The following MGA variants were observed in gnomAD, a reference collection of about 807,000 sequenced individuals.
MGA encodes MAX dimerization protein MGA.
Under a neutral mutation model 261.1 loss-of-function variants are expected in MGA, and 40 were observed. The ratio of observed to expected loss-of-function variants is 0.15; its 90% CI spans 0.12 to 0.20. The LOEUF is 0.20. Among genes scored for constraint, MGA ranks in the 10% least tolerant of loss-of-function variants. The pLI is 1.00. For missense variants in MGA, 3,397 were observed against 3,630.5 expected, an observed-to-expected ratio of 0.94 and a Z score of 1.65; for synonymous variants, 1,302 against 1,290.6, an observed-to-expected ratio of 1.01 and a Z score of -0.19.
Position 41,766,737 on chromosome 15 carries a change from A to G in MGA, c.8655A>G (p.Lys2885=), listed in dbSNP as rs370497949. The G allele has an allele frequency of 6.2e-7, 1 of 1,613,862 alleles. No homozygotes were observed. The highest frequency in any genetic ancestry group is 8.5e-7 in the Non-Finnish European group (1 of 1,179,886). The change falls in exon 24 of 24, where the codon AAA becomes AAG. Residue 2885 remains lysine, a synonymous_variant. Coordinates refer to ENST00000219905, the MANE Select transcript of MGA (RefSeq NM_001164273.2). ...TTGAGCACTTGGGAACTGGTTTGAA[A>G]GAGTTGCCTGATGTTCAAGGGGAGA... is the stretch of plus-strand genomic sequence containing the variant.
In MGA at chr15:41,750,463, G is replaced by C. The variant is rs768787099; in HGVS notation, c.6856G>C (p.Glu2286Gln). The change falls in exon 17 of 24, where the codon GAG becomes CAG. Residue 2286 changes from glutamate to glutamine, a missense_variant. Glu to Gln is a conservative substitution (Grantham distance 29). Coordinates refer to ENST00000219905, the MANE Select transcript of MGA (RefSeq NM_001164273.2). The stretch of plus-strand genomic sequence containing the variant: ...TGGAGAACAGATACAACCAAAGCAA[G>C]AGAAGAAGGGTGGGAGAAGCAGTGC... 1 of 1,614,002 alleles carries C rather than the reference G, an allele frequency of 6.2e-7. No homozygotes were observed. Among genetic ancestry groups the C allele is most frequent in the South Asian group, 1.1e-5 (1 of 91,076 alleles).
Position 41,744,864 on chromosome 15 carries a change from A to ATG in MGA, c.5212+1702_5212+1703dup, listed in dbSNP as rs769190673. Among the ~76,000 whole-genome samples the ATG allele has an allele frequency of 2.6e-5, 4 of 151,954 alleles. No individual in the cohort carries two copies. In the East Asian group the frequency reaches 5.8e-4, roughly 22 times the overall value. ...TAATCAACTGCTTTTTTATATGTAA[A>ATG]TGTGTGTGTGTTTGTTTATTTATTT... On this transcript the variant is annotated intron_variant, in intron 15 of 23. Coordinates refer to ENST00000219905, the MANE Select transcript of MGA (RefSeq NM_001164273.2).
intron 15 of MGA, among the ~76,000 whole-genome samples, chr15:41,746,377 C>G (rs2062469281): frequency 6.6e-6 from 1 of 151,800 alleles, no homozygotes. Context: ...CCTGTCTCTA[C>G]TAAAAATACA....
chr15:41,701,974 T>C (rs948118964), intron 5 of MGA, among the ~76,000 whole-genome samples: 4 of 152,220 alleles, frequency 2.6e-5, no homozygotes, highest in South Asian at 2.1e-4. Flanking sequence ...GGGTTTTTTT[T>C]CCTCTATTTT....
In MGA at chr15:41,661,595, CT is replaced by C. The variant is rs1005682973; in HGVS notation, c.-68+1074del. ...CCAACACGAGAAACCAAAGTGCACT[CT>C]TTTATTGGGAAGATAACTTTCCCAA... On this transcript the variant is annotated intron_variant, in intron 1 of 23. Transcript: ENST00000219905. 2.6e-5 allele frequency among the ~76,000 whole-genome samples: 4 copies of C among 152,236 alleles called. No individual in the cohort carries two copies. In the East Asian group the frequency reaches 7.7e-4, roughly 29 times the overall value.
chr15:41,713,608 T>C, intron 9 of MGA, 112 bp downstream of exon 9: 1 of 1,266,096 alleles, frequency 7.9e-7, no homozygotes, highest in Non-Finnish European at 1.1e-6. Flanking sequence ...ATAAGAGCTT[T>C]GAGACTTCTT....
At chr15:41,666,678 A>T (rs899523372) in intron 1 of MGA, among the ~76,000 whole-genome samples, 1 of 152,242 alleles carries the variant, frequency 6.6e-6, no homozygotes, top group African/African-American at 2.4e-5. Context: ...TACTTTTTGC[A>T]TGCATTCATT....
chr15:41,684,341 C>CA (rs1010818484), intron 2 of MGA: 9 of 442,470 alleles, frequency 2.0e-5, no homozygotes, highest in East Asian at 7.0e-5. Flanking sequence ...ATAATGCCAA[C>CA]AAAAAAAATC....
intron 3 of MGA, 83 bp downstream of exon 3, chr15:41,697,106 A>C: frequency 8.5e-7 from 1 of 1,180,220 alleles, no homozygotes; most frequent in Non-Finnish European, 1.2e-6. Context: ...CTCGATTTAC[A>C]ATCTAGTTTT....
chr15:41,769,913 A>G lies in MGA; in HGVS notation c.*2633A>G, dbSNP rs1246309957. On this transcript the variant is annotated 3_prime_UTR_variant, in exon 24 of 24. Coordinates refer to ENST00000219905, the MANE Select transcript of MGA (RefSeq NM_001164273.2). ...TTGAAAGGTAGAATATATAAACCTG[A>G]AATAAAGCAGTTAAAACAATTAAAG... is the stretch of plus-strand genomic sequence containing the variant. 6.6e-6 allele frequency: 1 copy of G among 152,626 alleles called. No individual in the cohort carries two copies. The highest frequency in any genetic ancestry group is 1.5e-5 in the Non-Finnish European group (1 of 68,048). The allele number at this position is 152,626 out of a possible 1,614,324, so 9.5% of individuals were successfully genotyped here.
chr15:41,671,920 A>ATT (rs2058084890), intron 2 of MGA, among the ~76,000 whole-genome samples: 1 of 152,132 alleles, frequency 6.6e-6, no homozygotes, highest in African/African-American at 2.4e-5. Flanking sequence ...TTGCTGTGGT[A>ATT]TTGTTTGTAA....
intron 1 of MGA, among the ~76,000 whole-genome samples, chr15:41,632,614 T>C (rs1164526280): frequency 1.3e-5 from 2 of 152,114 alleles, no homozygotes; most frequent in Non-Finnish European, 2.9e-5. Context: ...TTCCAGGTCT[T>C]TTCCCTTGCC....
At chr15:41,760,640 A>G in intron 20 of MGA, 111 bp downstream of exon 20, 4 of 1,016,784 alleles carry the variant, frequency 3.9e-6, no homozygotes, top group African/African-American at 3.2e-5. Flanking sequence ...AGCTGCTTAA[A>G]TGTAACAGAT....
At chr15:41,762,461 G>GTTTGTTTTTTTTTTTTTTTTTTTT (rs2063523987) in intron 22 of MGA, 99 bp downstream of exon 22, 1 of 125,094 alleles carries the variant, frequency 8.0e-6, no homozygotes, top group African/African-American at 6.6e-5. Context: ...GTTTTGTGTG[G>GTTTGTTTTTTTTTTTTTTTTTTTT]TTTTTTTTTT....
upstream of MGA, among the ~76,000 whole-genome samples, chr15:41,657,011 G>A (rs539108685): frequency 4.0e-4 from 61 of 152,102 alleles, no homozygotes; most frequent in Non-Finnish European, 7.1e-4. Flanking sequence ...GGGTTCATGC[G>A]ATCCACCTGC....
intron 2 of MGA, among the ~76,000 whole-genome samples, chr15:41,685,046 C>T (rs2058881993): frequency 6.6e-6 from 1 of 152,096 alleles, no homozygotes. Context: ...AAAGAGAGAG[C>T]TGTTTTCACC....
intron 5 of MGA, among the ~76,000 whole-genome samples, chr15:41,702,846 G>A (rs977837844): frequency 1.9e-4 from 29 of 152,116 alleles, no homozygotes; most frequent in African/African-American, 6.5e-4. Flanking sequence ...TTGCTACCAA[G>A]TCAATTATTG....
Position 41,740,054 on chromosome 15 carries a change from T to G in MGA, c.4436T>G (p.Val1479Gly), listed in dbSNP as rs766874133. 5.0e-6 allele frequency: 8 copies of G among 1,613,880 alleles called. No individual in the cohort carries two copies. Among genetic ancestry groups the G allele is most frequent in the Non-Finnish European group, 6.8e-6 (8 of 1,179,890 alleles). ...ACCCTCAGTACTGTCATCTCCAAGG[T>G]AGCATCCAATGCCAAGGTGGCTGCA... The change falls in exon 14 of 24, where the codon GTA (valine) becomes GGA (glycine). Residue 1479 changes from valine (V) to glycine (G), a missense_variant and splice_region_variant. By Grantham distance (109) the Val-to-Gly change is moderately radical (BLOSUM62 -3). Transcript: ENST00000219905.
intron 13 of MGA, among the ~76,000 whole-genome samples, chr15:41,738,294 C>T (rs1190658951): frequency 1.3e-5 from 2 of 152,000 alleles, no homozygotes; most frequent in Non-Finnish European, 2.9e-5. Flanking sequence ...AGCTAGGAGG[C>T]TGAGGCAGGA....
Sources: gnomAD v4.1 joint callset for allele counts (sites outside exome capture counted in the v4.1 genomes callset) on GRCh38, gnomAD v4.1.1 for gene constraint, MANE v1.5 for transcripts, NCBI Gene and HGNC (gene_info 2026-07-23, HGNC 2026-07-21) for gene names.